Variants in FGFR1 observed in about 807,000 individuals in gnomAD.
FGFR1 encodes FGFR1/PLAG1 fusion.
A neutral mutation model predicts 93.7 loss-of-function variants in FGFR1; 18 were observed. The ratio of observed to expected loss-of-function variants is 0.19; its 90% CI spans 0.13 to 0.28. FGFR1 has a LOEUF of 0.28. Ranked by LOEUF, FGFR1 falls within the 10% of genes least tolerant of loss-of-function variation. The pLI is 1.00. For missense variants in FGFR1, 731 were observed against 1,080.4 expected, an observed-to-expected ratio of 0.68 and a Z score of 4.53; for synonymous variants, 448 against 429.3, an observed-to-expected ratio of 1.04 and a Z score of -0.54.
intron 2 of FGFR1, among the ~76,000 whole-genome samples, chr8:38,456,744 T>C (rs1365415905): frequency 6.6e-6 from 1 of 151,932 alleles, no homozygotes; most frequent in East Asian, 1.9e-4. Context: ...TTAATTTCCT[T>C]TTTTTTTGTA....
At position 38,418,354 on chromosome 8, in the gene FGFR1, G is replaced by A. The variant is rs769607850; in HGVS notation, c.1304C>T (p.Ala435Val). The A allele has an allele frequency of 6.2e-7, 1 of 1,614,126 alleles. No individual in the cohort carries two copies. Among genetic ancestry groups the A allele is most frequent in the East Asian group, 2.2e-5 (1 of 44,880 alleles). The stretch of plus-strand genomic sequence containing the variant: ...CAGAAGAACCCCAGAGTTCATGGAT[G>A]CACTGGAGTCAGCAGACACCTGCAA... Reference protein sequence around the residue: ...RQVTVSADSSASMNSGVLLVR... With the variant: ...RQVTVSADSSVSMNSGVLLVR... Residue 435 changes from alanine (A) to valine (V), a missense_variant, in exon 10 of 18, where the codon GCA becomes GTA. Physicochemically the swap from Ala to Val is moderately conservative, Grantham distance 64. This residue lies in a region of FGFR1 where 146 missense variants were observed against 173.0 expected (regional missense o/e 0.84). Transcript: ENST00000447712.
chr8:38,412,146 A>G lies in FGFR1; in HGVS notation c.*1482T>C, dbSNP rs916650891. Reference sequence around the variant, plus strand: ...CGGCTCACTGCAACCTCCGCCTCCCAGCTTCAAGGGATTCTGCCTCAGCCT... The same window carrying G: ...CGGCTCACTGCAACCTCCGCCTCCCGGCTTCAAGGGATTCTGCCTCAGCCT... On this transcript the variant is annotated 3_prime_UTR_variant, in exon 18 of 18. Transcript: ENST00000447712. 5 of 206,498 alleles carry G rather than the reference A, an allele frequency of 2.4e-5. No homozygotes were observed. The highest frequency in any genetic ancestry group is 4.9e-5 in the Non-Finnish European group (5 of 101,154). The allele number at this position is 206,498 out of a possible 1,614,324, so 12.8% of individuals were successfully genotyped here.
chr8:38,451,139 T>C (rs1367954396), intron 2 of FGFR1, among the ~76,000 whole-genome samples: 4 of 152,316 alleles, frequency 2.6e-5, no homozygotes, highest in South Asian at 4.1e-4. Context: ...TTTTGCTCCA[T>C]GGAATTCCAT....
At chr8:38,442,554 A>C (rs547566785) in intron 2 of FGFR1, among the ~76,000 whole-genome samples, 10 of 152,036 alleles carry the variant, frequency 6.6e-5, no homozygotes, top group Admixed American at 6.6e-4. Context: ...TGGAGAGATG[A>C]ATCAACGGCA....
chr8:38,439,251 A>G (rs1317413440), intron 2 of FGFR1, among the ~76,000 whole-genome samples: 3 of 152,108 alleles, frequency 2.0e-5, no homozygotes, highest in Non-Finnish European at 4.4e-5. Flanking sequence ...GGTTCAGTCC[A>G]GCCAGCACTG....
Position 38,428,066 on chromosome 8 carries a change from T to C in FGFR1, c.476A>G (p.Glu159Gly), listed in dbSNP as rs776567959. 3.1e-6 allele frequency: 5 copies of C among 1,614,126 alleles called. No homozygotes were observed. In the South Asian group the frequency reaches 5.5e-5, roughly 18 times the overall value. ...MPVAPYWTSP[E>G]KMEKKLHAVP... ...TGCATGCAATTTCTTTTCCATCTTT[T>C]CTGGGGATGTCCAATATGGAGCTAC... is the stretch of plus-strand genomic sequence containing the variant. Residue 159 changes from glutamate to glycine, a missense_variant, in exon 5 of 18, where the codon GAA (glutamate) becomes GGA (glycine). Physicochemically the swap from Glu to Gly is moderately conservative, Grantham distance 98. Around this residue, in one of 10 missense-constraint regions of FGFR1, gnomAD observed 109 missense variants for 249.4 expected, o/e 0.44. Coordinates refer to ENST00000447712, the MANE Select transcript of FGFR1 (RefSeq NM_023110.3).
At chr8:38,449,106 GA>G (rs796242913) in intron 2 of FGFR1, among the ~76,000 whole-genome samples, 9 of 145,138 alleles carry the variant, frequency 6.2e-5, no homozygotes, top group South Asian at 2.2e-4. Flanking sequence ...GGTCTCAGGA[GA>G]AAAAAAAAAC....
chr8:38,440,447 A>G (rs1827015883), intron 2 of FGFR1: 1 of 1,295,686 alleles, frequency 7.7e-7, no homozygotes. Context: ...ATAGAAGGAG[A>G]GCTGCAAAAA....
intron 2 of FGFR1, among the ~76,000 whole-genome samples, chr8:38,451,649 C>T (rs533674515): frequency 6.6e-6 from 1 of 152,126 alleles, no homozygotes; most frequent in African/African-American, 2.4e-5. Flanking sequence ...ACCTCTCCCC[C>T]CTCTAACAAG....
chr8:38,425,590 T>G (rs1052100739), intron 6 of FGFR1, among the ~76,000 whole-genome samples: 1 of 152,198 alleles, frequency 6.6e-6, no homozygotes, highest in Non-Finnish European at 1.5e-5. Flanking sequence ...AGGAAAAGGT[T>G]GCGGTAATAG....
chr8:38,446,319 T>C (rs1586626609), intron 2 of FGFR1, among the ~76,000 whole-genome samples: 2 of 149,744 alleles, frequency 1.3e-5, no homozygotes, highest in Admixed American at 6.7e-5. Context: ...CAAGCGATTC[T>C]CCCGCCTCAG....
intron 2 of FGFR1, among the ~76,000 whole-genome samples, chr8:38,431,295 C>A (rs1435987843): frequency 6.6e-6 from 1 of 152,150 alleles, no homozygotes; most frequent in Non-Finnish European, 1.5e-5. Context: ...GGTGCTGACT[C>A]CCAGTCTGGG....
At chr8:38,435,461 G>A (rs922569994) in intron 2 of FGFR1, 1 of 152,184 alleles carries the variant, frequency 6.6e-6, no homozygotes, top group African/African-American at 2.4e-5. Context: ...TTTCTTACAG[G>A]AGATGAAACC....
chr8:38,416,669 G>A (rs1345988637), intron 12 of FGFR1, among the ~76,000 whole-genome samples: 1 of 151,416 alleles, frequency 6.6e-6, no homozygotes, highest in Non-Finnish European at 1.5e-5. Flanking sequence ...TGGCCAGGCT[G>A]GTCTCCAACT....
chr8:38,412,766 G>C lies in FGFR1; in HGVS notation c.*862C>G. The C allele has an allele frequency of 4.3e-6, 1 of 233,556 alleles. No individual in the cohort carries two copies. The highest frequency in any genetic ancestry group is 8.5e-6 in the Non-Finnish European group (1 of 117,996). 14.5% of individuals were successfully genotyped at this position (233,556 alleles called of 1,614,324 possible). A position where few individuals can be genotyped will look rare whatever the true frequency, so the allele number is the denominator to read the frequency against. On this transcript the variant is annotated 3_prime_UTR_variant, in exon 18 of 18. Transcript: ENST00000447712. ...CAATTTTTATTGAGGGACCTAAACT[G>C]AAAATAGGTTTAGAACATAATTTAA... is the stretch of plus-strand genomic sequence containing the variant.
At chr8:38,417,725 C>A (rs954626838) in intron 11 of FGFR1, 145 bp downstream of exon 11, 2 of 1,128,552 alleles carry the variant, frequency 1.8e-6, no homozygotes, top group Admixed American at 3.4e-5. Context: ...CAGAACACCC[C>A]CTCCACTCCC....
chr8:38,428,081 T>A lies in FGFR1; in HGVS notation c.461A>T (p.Tyr154Phe), dbSNP rs2150919659. ...TKPNRMPVAP[Y>F]WTSPEKMEKK... Reference sequence around the variant, plus strand: ...TTCCATCTTTTCTGGGGATGTCCAATATGGAGCTACGGCTGCCCGGGGAAA... The same window carrying A: ...TTCCATCTTTTCTGGGGATGTCCAAAATGGAGCTACGGCTGCCCGGGGAAA... The change falls in exon 5 of 18, where the codon TAT (tyrosine) becomes TTT (phenylalanine). Residue 154 changes from tyrosine to phenylalanine, a missense_variant. Around this residue, in one of 10 missense-constraint regions of FGFR1, gnomAD observed 109 missense variants for 249.4 expected, o/e 0.44. Coordinates refer to ENST00000447712, the MANE Select transcript of FGFR1 (RefSeq NM_023110.3). The A allele has an allele frequency of 6.2e-7, 1 of 1,614,200 alleles. No homozygotes were observed. The highest frequency in any genetic ancestry group is 8.5e-7 in the Non-Finnish European group (1 of 1,180,046).
chr8:38,439,872 T>C (rs1162381117), intron 2 of FGFR1, among the ~76,000 whole-genome samples: 4 of 152,162 alleles, frequency 2.6e-5, no homozygotes. Context: ...GTCTTGCACT[T>C]ACTCATGTTG....
intron 6 of FGFR1, among the ~76,000 whole-genome samples, chr8:38,425,426 G>C (rs1586303075): frequency 6.6e-6 from 1 of 152,118 alleles, no homozygotes; most frequent in East Asian, 1.9e-4. Flanking sequence ...GGGATCACAG[G>C]CGTGAGTAAT....
Sources: gnomAD v4.1 joint callset for allele counts (sites outside exome capture counted in the v4.1 genomes callset) on GRCh38, gnomAD v4.1.1 for gene constraint, gnomAD v4.1.1 regional missense constraint, MANE v1.5 for transcripts, NCBI Gene and HGNC (gene_info 2026-07-23, HGNC 2026-07-21) for gene names.